RANBP17: variants seen among roughly 807,000 people sequenced by gnomAD.
The protein encoded by RANBP17 is RAN binding protein 17, also known as ran-binding protein 17.
Under a neutral mutation model 141.2 loss-of-function variants are expected in RANBP17, and 158 were observed. The observed-to-expected ratio is 1.12, with a 90% CI of 0.98 to 1.28. The LOEUF is 1.28. RANBP17 is among the 50% of genes most tolerant of loss of function. The pLI is 0.00. For missense variants in RANBP17, 1,438 were observed against 1,290.7 expected (o/e 1.11, Z -1.75); for synonymous variants, 430 against 450.0 (o/e 0.96, Z 0.56).
At position 170,879,803 on chromosome 5, in the gene RANBP17, C is replaced by T. The variant is rs577828954; in HGVS notation, c.165+1560C>T. Among the ~76,000 whole-genome samples, 3 of 152,172 alleles carry T rather than the reference C, an allele frequency of 2.0e-5. No individual in the cohort carries two copies. The South Asian group carries it at 6.2e-4, about 32-fold the overall frequency. ...GCTATTAAACTATTGTGTGAGGAGACAAGTAAGGATATTGTTTCCAACACA... is the reference window on the plus strand; with the variant it reads ...GCTATTAAACTATTGTGTGAGGAGATAAGTAAGGATATTGTTTCCAACACA... On this transcript the variant is annotated intron_variant, in intron 2 of 27. Coordinates refer to ENST00000523189, the MANE Select transcript of RANBP17 (RefSeq NM_022897.5).
At chr5:171,274,111 AGTGTGTGTGT>A (rs372324815) in intron 25 of RANBP17, among the ~76,000 whole-genome samples, 157 of 143,208 alleles carry the variant, frequency 1.1e-3, no homozygotes, top group South Asian at 1.9e-3. Context: ...AGTTTGATCA[AGTGTGTGTGT>A]GTGTGTGTGT....
intron 14 of RANBP17, among the ~76,000 whole-genome samples, chr5:171,155,311 G>A (rs1758822708): frequency 2.0e-5 from 3 of 151,654 alleles, no homozygotes. Flanking sequence ...TGAGATGTAG[G>A]AGGTAGAGAA....
At chr5:170,991,606 C>T (rs973677126) in intron 14 of RANBP17, among the ~76,000 whole-genome samples, 6 of 151,914 alleles carry the variant, frequency 3.9e-5, no homozygotes, top group African/African-American at 1.2e-4. Flanking sequence ...GATAGATCTC[C>T]AGCCAGCTCT....
At chr5:171,195,141 T>G (rs1303519482) in intron 18 of RANBP17, among the ~76,000 whole-genome samples, 1 of 152,212 alleles carries the variant, frequency 6.6e-6, no homozygotes, top group Non-Finnish European at 1.5e-5. Flanking sequence ...AAAATATTAG[T>G]CTATAAATTG....
chr5:170,904,912 T>C (rs1044695032), intron 5 of RANBP17, among the ~76,000 whole-genome samples: 4 of 152,182 alleles, frequency 2.6e-5, no homozygotes, highest in Non-Finnish European at 5.9e-5. Context: ...CACTAACTAT[T>C]CAGGGATAGG....
At chr5:171,069,990 A>G (rs555295988) in intron 14 of RANBP17, among the ~76,000 whole-genome samples, 253 of 152,304 alleles carry the variant, frequency 1.7e-3, no homozygotes, top group African/African-American at 5.6e-3. Context: ...TAATATTATC[A>G]AGAATATAAA....
At chr5:171,035,523 T>G (rs564591722) in intron 14 of RANBP17, among the ~76,000 whole-genome samples, 1 of 151,346 alleles carries the variant, frequency 6.6e-6, no homozygotes, top group Admixed American at 6.6e-5. Flanking sequence ...GTATCTTTTG[T>G]GGAGGTCTAG....
At position 171,221,721 on chromosome 5, in the gene RANBP17, T is replaced by C. The variant is rs777306842; in HGVS notation, c.2340-37T>C. 3 of 1,217,648 alleles carry C rather than the reference T, an allele frequency of 2.5e-6. No homozygotes were observed. In the South Asian group the frequency reaches 3.7e-5, roughly 15 times the overall value. 75.4% of individuals were successfully genotyped at this position (1,217,648 alleles called of 1,614,324 possible). On this transcript the variant is annotated intron_variant, in intron 21 of 27. Coordinates refer to ENST00000523189, the MANE Select transcript of RANBP17 (RefSeq NM_022897.5). The stretch of plus-strand genomic sequence containing the variant: ...TTTAAATCTGTGTTTGGTTTCTTTA[T>C]CTTCACATATAGGCAATTTTTTTCT...
intron 22 of RANBP17, among the ~76,000 whole-genome samples, chr5:171,230,403 A>G (rs898656497): frequency 7.2e-5 from 11 of 152,228 alleles, no homozygotes; most frequent in Admixed American, 2.0e-4. Context: ...GCTAATGTTA[A>G]GGAGCTTTAG....
intron 14 of RANBP17, among the ~76,000 whole-genome samples, chr5:171,010,655 AAG>A (rs1053577977): frequency 1.3e-5 from 2 of 152,126 alleles, no homozygotes; most frequent in African/African-American, 4.8e-5. Flanking sequence ...TAAAAAATCT[AAG>A]GGGGAAAAAT....
intron 14 of RANBP17, among the ~76,000 whole-genome samples, chr5:170,982,069 G>T (rs1777813998): frequency 6.6e-6 from 1 of 152,190 alleles, no homozygotes; most frequent in Non-Finnish European, 1.5e-5. Context: ...GGTTCTAGGG[G>T]ATAAGAATAA....
intron 18 of RANBP17, among the ~76,000 whole-genome samples, chr5:171,187,135 TAGAG>T (rs1284698658): frequency 1.3e-5 from 2 of 152,090 alleles, no homozygotes; most frequent in East Asian, 1.9e-4. Context: ...TCTCAGAAAA[TAGAG>T]AGGCCTGAGA....
intron 12 of RANBP17, among the ~76,000 whole-genome samples, chr5:170,946,388 G>A (rs916382505): frequency 2.0e-5 from 3 of 152,044 alleles, no homozygotes; most frequent in South Asian, 4.2e-4. Context: ...TTCACCAAAA[G>A]TCATGCTTGC....
rs531221788 is a variant in RANBP17, at chr5:170,933,316, G to A, written c.1468+8766G>A. On this transcript the variant is annotated intron_variant, in intron 12 of 27. Coordinates refer to ENST00000523189, the MANE Select transcript of RANBP17 (RefSeq NM_022897.5). ...TTCCTCTCTCTTTTCTTCTTTATTA[G>A]TCTTACTAGCGGTCTATCAATTTTG... Among the ~76,000 whole-genome samples, 63 of 151,796 alleles carry A rather than the reference G, an allele frequency of 4.2e-4. 1 individual carries two copies. In the South Asian group the frequency reaches 0.013, roughly 31 times the overall value.
At chr5:170,994,762 A>G (rs1581343753) in intron 14 of RANBP17, among the ~76,000 whole-genome samples, 1 of 152,108 alleles carries the variant, frequency 6.6e-6, no homozygotes, top group Non-Finnish European at 1.5e-5. Context: ...AGAGCTATAC[A>G]TTTTAATCAG....
intron 14 of RANBP17, among the ~76,000 whole-genome samples, chr5:171,129,338 A>G (rs17747536): frequency 0.048 from 7,258 of 152,246 alleles, 216 homozygotes; most frequent in East Asian, 0.12. Context: ...ATCTGTTTCT[A>G]CTACCTGACT....
chr5:171,148,251 C>A (rs761414876), intron 14 of RANBP17, among the ~76,000 whole-genome samples: 1 of 152,150 alleles, frequency 6.6e-6, no homozygotes, highest in Non-Finnish European at 1.5e-5. Context: ...ACAAACACTG[C>A]GGAAGGCCGC....
chr5:171,287,876 T>C (rs1449326466), intron 25 of RANBP17, among the ~76,000 whole-genome samples: 1 of 152,138 alleles, frequency 6.6e-6, no homozygotes, highest in East Asian at 1.9e-4. Context: ...AGTTTTGTCT[T>C]TATGGTACCA....
At chr5:171,161,926 C>G (rs1561718582) in intron 14 of RANBP17, among the ~76,000 whole-genome samples, 1 of 152,184 alleles carries the variant, frequency 6.6e-6, no homozygotes, top group Non-Finnish European at 1.5e-5. Context: ...CCCAGTTCCC[C>G]ACCTCTGCTA....
Sources: allele counts gnomAD v4.1 joint callset (sites outside exome capture counted in the v4.1 genomes callset), GRCh38; gene constraint gnomAD v4.1.1; transcripts MANE v1.5; gene names NCBI Gene and HGNC (gene_info 2026-07-23, HGNC 2026-07-21).